The following DENND5B variants were observed in gnomAD, a reference collection of about 807,000 sequenced individuals.
The protein encoded by DENND5B is DENN domain-containing protein 5B.
DENND5B carries 34 observed loss-of-function variants against 140.6 expected under a neutral mutation model. The ratio of observed to expected loss-of-function variants is 0.24; its 90% CI spans 0.18 to 0.32. The LOEUF is 0.32. Ranked by LOEUF, DENND5B falls within the 10% of genes least tolerant of loss-of-function variation. DENND5B has a pLI of 1.00. For synonymous variants in DENND5B, 551 were observed against 562.1 expected (o/e 0.98, Z 0.28); for missense variants, 1,142 against 1,560.2 (o/e 0.73, Z 4.52).
chr12:31,398,085 A>C, intron 17 of DENND5B, 90 bp downstream of exon 17: 4 of 1,223,652 alleles, frequency 3.3e-6, no homozygotes, highest in Non-Finnish European at 4.5e-6. Flanking sequence ...AAATCTCCTC[A>C]CTACATTCAT....
At chr12:31,548,366 C>T (rs1311853953) in intron 1 of DENND5B, among the ~76,000 whole-genome samples, 1 of 147,024 alleles carries the variant, frequency 6.8e-6, no homozygotes, top group African/African-American at 2.5e-5. Context: ...TGCACAGCAG[C>T]TTAGGCAACA....
chr12:31,415,698 C>T (rs1942700142), intron 11 of DENND5B, among the ~76,000 whole-genome samples: 1 of 152,166 alleles, frequency 6.6e-6, no homozygotes, highest in Non-Finnish European at 1.5e-5. Context: ...ATCCTCCCAA[C>T]TTAGCCCTGT....
At chr12:31,452,777 C>T (rs756880151) in intron 4 of DENND5B, among the ~76,000 whole-genome samples, 6 of 152,056 alleles carry the variant, frequency 3.9e-5, no homozygotes, top group Non-Finnish European at 8.8e-5. Context: ...ACCTCTTTTT[C>T]CATCATTTTT....
At chr12:31,563,367 A>AT (rs774995103) in intron 1 of DENND5B, among the ~76,000 whole-genome samples, 2 of 152,206 alleles carry the variant, frequency 1.3e-5, no homozygotes, top group African/African-American at 2.4e-5. Flanking sequence ...AAATCTCAGC[A>AT]TTTTTTAATG....
chr12:31,463,579 A>G (rs952735790), intron 3 of DENND5B, among the ~76,000 whole-genome samples: 4 of 152,194 alleles, frequency 2.6e-5, no homozygotes, highest in Non-Finnish European at 5.9e-5. Context: ...ATTTTATTCC[A>G]TCCATGTGTT....
chr12:31,432,175 A>G, intron 8 of DENND5B: 2 of 965,958 alleles, frequency 2.1e-6, no homozygotes, highest in Non-Finnish European at 2.5e-6. Flanking sequence ...GAGAAATGCC[A>G]ATGACAGGAA....
intron 17 of DENND5B, 85 bp downstream of exon 17, chr12:31,398,090 A>T: frequency 7.8e-7 from 1 of 1,282,184 alleles, no homozygotes; most frequent in Non-Finnish European, 1.1e-6. Context: ...TCCTCACTAC[A>T]TTCATTAACA....
chr12:31,426,144 G>T (rs7962896), intron 9 of DENND5B, 149 bp downstream of exon 9: 1 of 802,236 alleles, frequency 1.2e-6, no homozygotes, highest in Non-Finnish European at 1.8e-6. Context: ...TTCAATACCC[G>T]AGTAAAGAGC....
intron 14 of DENND5B, among the ~76,000 whole-genome samples, chr12:31,402,878 C>T (rs1941884290): frequency 1.3e-5 from 2 of 152,032 alleles, no homozygotes; most frequent in Admixed American, 1.3e-4. Context: ...TGTATATCAT[C>T]ATGTATGTAT....
chr12:31,481,967 C>G (rs1462027014), intron 2 of DENND5B, among the ~76,000 whole-genome samples: 1 of 152,112 alleles, frequency 6.6e-6, no homozygotes, highest in East Asian at 1.9e-4. Context: ...ATGCACATTC[C>G]ACTTTCATTT....
intron 1 of DENND5B, among the ~76,000 whole-genome samples, chr12:31,558,979 TGAAA>T (rs1337436385): frequency 6.6e-5 from 10 of 152,138 alleles, no homozygotes; most frequent in African/African-American, 2.2e-4. Flanking sequence ...GAAAAACAGC[TGAAA>T]GAAAGAAAAT....
chr12:31,517,532 A>G (rs1565657043), intron 1 of DENND5B, among the ~76,000 whole-genome samples: 1 of 152,224 alleles, frequency 6.6e-6, no homozygotes, highest in Non-Finnish European at 1.5e-5. Flanking sequence ...AAAAGAAACA[A>G]TCTCTCCATA....
chr12:31,564,844 C>T (rs1239542617), intron 1 of DENND5B, among the ~76,000 whole-genome samples: 1 of 152,048 alleles, frequency 6.6e-6, no homozygotes, highest in Non-Finnish European at 1.5e-5. Context: ...CCACCTCTGC[C>T]TCCCTAAGTG....
chr12:31,439,258 T>C (rs1191555913), intron 7 of DENND5B, among the ~76,000 whole-genome samples: 1 of 152,216 alleles, frequency 6.6e-6, no homozygotes, highest in East Asian at 1.9e-4. Context: ...TACCCTGCAA[T>C]TGTTCTGAGA....
intron 13 of DENND5B, among the ~76,000 whole-genome samples, chr12:31,410,192 A>C (rs1942377605): frequency 6.6e-6 from 1 of 152,178 alleles, no homozygotes; most frequent in South Asian, 2.1e-4. Flanking sequence ...ATTTCAGGAA[A>C]GCAATTCAGG....
At chr12:31,551,864 TTGTC>T (rs1269415613) in intron 1 of DENND5B, among the ~76,000 whole-genome samples, 1 of 152,242 alleles carries the variant, frequency 6.6e-6, no homozygotes, top group Non-Finnish European at 1.5e-5. Context: ...GGCTTTCTGT[TTGTC>T]TGTTATTGGT....
intron 1 of DENND5B, among the ~76,000 whole-genome samples, chr12:31,588,945 TCACA>T (rs139221341): frequency 1.2e-4 from 19 of 152,294 alleles, no homozygotes; most frequent in African/African-American, 3.6e-4. Flanking sequence ...TCACCCACAC[TCACA>T]CAGTTTTGCA....
chr12:31,450,118 A>G (rs1424269554), intron 5 of DENND5B, among the ~76,000 whole-genome samples: 1 of 152,220 alleles, frequency 6.6e-6, no homozygotes, highest in Non-Finnish European at 1.5e-5. Flanking sequence ...CACTTAAAGA[A>G]GTGAAGTCTT....
At chr12:31,483,606 A>G (rs564255468) in intron 2 of DENND5B, among the ~76,000 whole-genome samples, 1 of 151,544 alleles carries the variant, frequency 6.6e-6, no homozygotes, top group East Asian at 2.0e-4. Flanking sequence ...GCACCTGGCT[A>G]ATTTCTGTAT....
Sources: gnomAD v4.1 joint callset for allele counts (sites outside exome capture counted in the v4.1 genomes callset) on GRCh38, gnomAD v4.1.1 for gene constraint, MANE v1.5 for transcripts, NCBI Gene and HGNC (gene_info 2026-07-23, HGNC 2026-07-21) for gene names.